The following PSG3 variants were observed in gnomAD, a reference collection of about 807,000 sequenced individuals.
The protein encoded by PSG3 is pregnancy-specific beta-1-glycoprotein 3.
Under a neutral mutation model 47.5 loss-of-function variants are expected in PSG3, and 61 were observed. The ratio of observed to expected loss-of-function variants is 1.28; its 90% confidence interval spans 1.05 to 1.59. The LOEUF is 1.59. Ranked by LOEUF, PSG3 falls within the 40% of genes most tolerant of loss-of-function variation. The probability of loss-of-function intolerance (pLI) is 0.00; values close to 1 mark genes in which losing one functional copy is unlikely to be tolerated. For synonymous variants in PSG3, 263 were observed against 198.4 expected, an observed-to-expected ratio of 1.33 and a Z score of -2.74; for missense variants, 756 against 524.0, an observed-to-expected ratio of 1.44 and a Z score of -4.32.
chr19:42,738,853 C>G lies in PSG3; in HGVS notation c.301G>C (p.Val101Leu), dbSNP rs528748084. The G allele has an allele frequency of 6.2e-7, 1 of 1,614,138 alleles. No individual in the cohort carries two copies. The highest frequency in any genetic ancestry group is 2.2e-5 in the East Asian group (1 of 44,880). ...YGPAYSGRETVYSNASLLIQN... is the reference protein window; with the variant it reads ...YGPAYSGRETLYSNASLLIQN... Reference sequence around the variant, plus strand: ...ATCAGCAGGGATGCATTGGAATATACTGTTTCTCGTCCACTGTATGCAGGC... The same window carrying G: ...ATCAGCAGGGATGCATTGGAATATAGTGTTTCTCGTCCACTGTATGCAGGC... Residue 101 changes from valine to leucine, a missense_variant, in exon 2 of 7, where the codon GTA becomes CTA. Val to Leu is a conservative substitution (Grantham distance 32). Coordinates refer to ENST00000327495, the MANE Select transcript of PSG3 (RefSeq NM_021016.4).
intron 2 of PSG3, 60 bp downstream of exon 2, chr19:42,738,664 T>A: frequency 6.2e-7 from 1 of 1,612,290 alleles, no homozygotes; most frequent in Non-Finnish European, 8.5e-7. Context: ...CTGACAATCC[T>A]TTGTGTGTGA....
rs565348728 is a variant in PSG3 at position 42,740,372 on chromosome 19, A to G, written c.13T>C (p.Ser5Pro). Residue 5 changes from serine (S) to proline (P), a missense_variant, in exon 1 of 7, where the codon TCA becomes CCA. Ser to Pro is a moderately conservative substitution (Grantham distance 74, BLOSUM62 -1). Transcript: ENST00000327495. MGPL[S>P]APPCTQRITW... is the part of the protein sequence containing the mutation. ...ATGCGCTGTGTGCAGGGAGGGGCTG[A>G]GAGGGGCCCCATGGTCTCTGCTGCC... 36 of 1,613,946 alleles carry G rather than the reference A, an allele frequency of 2.2e-5. No homozygotes were observed. The East Asian group carries it at 7.8e-4, about 35-fold the overall frequency.
At chr19:42,734,292 A>C (rs1406020726) in intron 2 of PSG3, 1 of 152,220 alleles carries the variant, frequency 6.6e-6, no homozygotes, top group Non-Finnish European at 1.5e-5. Flanking sequence ...TTTACAGTAC[A>C]TGTACTGGTT....
chr19:42,729,283 T>G lies in PSG3; in HGVS notation c.1083A>C (p.Pro361=). The G allele has an allele frequency of 6.2e-7, 1 of 1,614,120 alleles. No individual in the cohort carries two copies. The highest frequency in any genetic ancestry group is 1.1e-5 in the South Asian group (1 of 91,076). ...CATTAATTGTCCAAGAATATTCTGC[T>G]GGTGGGTTAGAGTCCGCGAAGCAGG... ...YLSCFADSNP[P]AEYSWTINGK... is the part of the protein sequence containing the mutation. The change falls in exon 5 of 7, where the codon CCA becomes CCC. Residue 361 remains proline, a synonymous_variant. Coordinates refer to ENST00000327495, the MANE Select transcript of PSG3 (RefSeq NM_021016.4).
At chr19:42,736,470 C>T (rs1254698480) in intron 2 of PSG3, among the ~76,000 whole-genome samples, 1 of 152,156 alleles carries the variant, frequency 6.6e-6, no homozygotes, top group Non-Finnish European at 1.5e-5. Context: ...TAGTCCTGTG[C>T]CCCTGAAACT....
At position 42,732,735 on chromosome 19, in the gene PSG3, G is replaced by A. The variant is rs143488800; in HGVS notation, c.709+49C>T. Reference sequence around the variant, plus strand: ...ACTGAGAGGCCTGGCCTCTGGCCACGTGTATTTGGGATGGCAGACTGGCTC... The same window carrying A: ...ACTGAGAGGCCTGGCCTCTGGCCACATGTATTTGGGATGGCAGACTGGCTC... On this transcript the variant is annotated intron_variant, in intron 3 of 6. Transcript: ENST00000327495. 4.6e-4 allele frequency: 745 copies of A among 1,614,142 alleles called. 2 individuals carry two copies. In the African/African-American group the frequency reaches 7.3e-3, roughly 16 times the overall value.
At chr19:42,733,798 A>G (rs1205420438) in intron 2 of PSG3, 2 of 152,592 alleles carry the variant, frequency 1.3e-5, no homozygotes, top group South Asian at 2.1e-4. Flanking sequence ...TTCTGGGTCC[A>G]TGATGCTCCC....
intron 3 of PSG3, among the ~76,000 whole-genome samples, chr19:42,730,595 G>T (rs1374271148): frequency 3.3e-5 from 5 of 152,354 alleles, no homozygotes; most frequent in African/African-American, 1.2e-4. Flanking sequence ...GGGGAGACCA[G>T]AATCAAGCCT....
At chr19:42,734,235 C>G (rs141259771) in intron 2 of PSG3, 3 of 152,290 alleles carry the variant, frequency 2.0e-5, no homozygotes, top group Middle Eastern at 6.8e-3. Flanking sequence ...ATTCAGAAAG[C>G]TTAAAACCAA....
At chr19:42,731,301 T>C (rs140208541) in intron 3 of PSG3, among the ~76,000 whole-genome samples, 133 of 152,356 alleles carry the variant, frequency 8.7e-4, no homozygotes, top group African/African-American at 3.0e-3. Context: ...TACTTACTGG[T>C]TTAGCATCCC....
rs138902468 is a variant in PSG3, at chr19:42,740,373, G to T, written c.12C>A (p.Leu4=). 328 of 1,614,040 alleles carry T rather than the reference G, an allele frequency of 2.0e-4. 2 individuals carry two copies. The African/African-American group carries it at 4.1e-3, about 20-fold the overall frequency. Residue 4 remains leucine (L), a synonymous_variant, in exon 1 of 7, where the codon CTC becomes CTA. Transcript: ENST00000327495. ...TGCGCTGTGTGCAGGGAGGGGCTGAGAGGGGCCCCATGGTCTCTGCTGCCT... is the reference window on the plus strand; with the variant it reads ...TGCGCTGTGTGCAGGGAGGGGCTGATAGGGGCCCCATGGTCTCTGCTGCCT... MGP[L]SAPPCTQRIT...
At chr19:42,722,566 A>T (rs1347034067) in intron 6 of PSG3, among the ~76,000 whole-genome samples, 1 of 152,168 alleles carries the variant, frequency 6.6e-6, no homozygotes. Flanking sequence ...GAATACTCAT[A>T]TTATTAACAT....
chr19:42,732,551 C>T, intron 3 of PSG3: 1 of 1,030,282 alleles, frequency 9.7e-7, no homozygotes, highest in East Asian at 2.6e-5. Flanking sequence ...CCTGTTTTGC[C>T]CATCACAAGC....
rs376374750 is a variant in PSG3 at position 42,732,990 on chromosome 19, G to T, written c.503C>A (p.Thr168Asn). 6.8e-6 allele frequency: 11 copies of T among 1,614,170 alleles called. No homozygotes were observed. The highest frequency in any genetic ancestry group is 3.3e-4 in the Middle Eastern group (2 of 6,062). Residue 168 changes from threonine (T) to asparagine (N), a missense_variant, in exon 3 of 7, where the codon ACC becomes AAC. Physicochemically the swap from Thr to Asn is moderately conservative, Grantham distance 65. Coordinates refer to ENST00000327495, the MANE Select transcript of PSG3 (RefSeq NM_021016.4). ...PREDMEAVSL[T>N]CDPETPDASY... Reference sequence around the variant, plus strand: ...TGCGTCCGGAGTCTCAGGATCACAGGTTAAGCTCACAGCCTCCATGTCCTC... The same window carrying T: ...TGCGTCCGGAGTCTCAGGATCACAGTTTAAGCTCACAGCCTCCATGTCCTC...
chr19:42,731,376 G>A (rs1001743475), intron 3 of PSG3, among the ~76,000 whole-genome samples: 1 of 152,126 alleles, frequency 6.6e-6, no homozygotes, highest in African/African-American at 2.4e-5. Context: ...CAGATTAGTA[G>A]GCAAAAGTGG....
At position 42,734,998 on chromosome 19, in the gene PSG3, C is replaced by A. The variant is rs193046093; in HGVS notation, c.431-1936G>T. ...CCAATGGTTTGTGTGTCTCCCCACACGCAGAACTCCAACTTATGAAAACGG... is the reference window on the plus strand; with the variant it reads ...CCAATGGTTTGTGTGTCTCCCCACAAGCAGAACTCCAACTTATGAAAACGG... On this transcript the variant is annotated intron_variant, in intron 2 of 6. Transcript: ENST00000327495. Among the ~76,000 whole-genome samples the A allele has an allele frequency of 1.4e-4, 22 of 152,282 alleles. No homozygotes were observed. In the East Asian group the frequency reaches 1.7e-3, roughly 12 times the overall value.
At chr19:42,739,413 T>G (rs3746133) in intron 1 of PSG3, 17,951 of 297,338 alleles carry the variant, frequency 0.06, 632 homozygotes, top group Middle Eastern at 0.11. Flanking sequence ...AGGGCATCCT[T>G]AGACTTCTTT....
chr19:42,740,435 G>A lies in PSG3; in HGVS notation c.-51C>T, dbSNP rs764300804. ...TCTGTGGAGCTGAGCCTAGGATCCA[G>A]AAACTTCCTGAGCATGGCTCTCAGC... On this transcript the variant is annotated 5_prime_UTR_variant, in exon 1 of 7. Coordinates refer to ENST00000327495, the MANE Select transcript of PSG3 (RefSeq NM_021016.4). 1 of 1,613,680 alleles carries A rather than the reference G, an allele frequency of 6.2e-7. No homozygotes were observed. The highest frequency in any genetic ancestry group is 8.5e-7 in the Non-Finnish European group (1 of 1,179,792).
Position 42,738,841 on chromosome 19 carries a change from C to T in PSG3, c.313G>A (p.Ala105Thr), listed in dbSNP as rs1377507660. 1.2e-6 allele frequency: 2 copies of T among 1,614,010 alleles called. No individual in the cohort carries two copies. The highest frequency in any genetic ancestry group is 1.3e-5 in the African/African-American group (1 of 74,902). ...YSGRETVYSN[A>T]SLLIQNVTRE... ...GTGACATTCTGGATCAGCAGGGATG[C>T]ATTGGAATATACTGTTTCTCGTCCA... Residue 105 changes from alanine to threonine, a missense_variant, in exon 2 of 7, where the codon GCA becomes ACA. Transcript: ENST00000327495.
Sources: allele counts gnomAD v4.1 joint callset (sites outside exome capture counted in the v4.1 genomes callset), GRCh38; gene constraint gnomAD v4.1.1; transcripts MANE v1.5; gene names NCBI Gene and HGNC (gene_info 2026-07-23, HGNC 2026-07-21).